Variants in CAST observed in about 807,000 individuals in gnomAD.
CAST encodes MIR583 host.
Under a neutral mutation model 119.6 loss-of-function variants are expected in CAST, and 76 were observed. The ratio of observed to expected loss-of-function variants is 0.64; its 90% CI spans 0.53 to 0.77. The LOEUF (loss-of-function observed/expected upper bound fraction) is 0.77. Among genes scored for constraint, CAST ranks in the 30% least tolerant of loss-of-function variants. CAST has a pLI of 0.00. For missense variants in CAST, 953 were observed against 946.5 expected (o/e 1.01, Z -0.09); for synonymous variants, 319 against 331.6 (o/e 0.96, Z 0.41).
the CAST span, among the ~76,000 whole-genome samples, chr5:95,967,568 G>T: frequency 6.6e-6 from 1 of 152,176 alleles, no homozygotes; most frequent in African/African-American, 2.4e-5. Context: ...CATGGGGACA[G>T]TTACCGCCAT....
chr5:96,560,691 G>A (rs1191138343), intron 1 of CAST, among the ~76,000 whole-genome samples: 4 of 152,030 alleles, frequency 2.6e-5, no homozygotes, highest in Non-Finnish European at 4.4e-5. Context: ...TCATTAAAAA[G>A]TCAGGAAACA....
chr5:96,099,677 A>T, the CAST span, among the ~76,000 whole-genome samples: 3 of 152,242 alleles, frequency 2.0e-5, no homozygotes, highest in East Asian at 1.9e-4. Context: ...GATGAAGCCT[A>T]CTTGATCATG....
At chr5:96,073,007 C>T in the CAST span, among the ~76,000 whole-genome samples, 2 of 152,134 alleles carry the variant, frequency 1.3e-5, no homozygotes, top group African/African-American at 2.4e-5. Context: ...ATTGTTTATT[C>T]GAGATTGTTT....
the CAST span, among the ~76,000 whole-genome samples, chr5:96,365,786 A>G: frequency 5.9e-5 from 9 of 152,198 alleles, no homozygotes; most frequent in Non-Finnish European, 1.3e-4. Flanking sequence ...CCAATTTGCC[A>G]GTCTGTGTCT....
At chr5:96,219,360 C>A in the CAST span, among the ~76,000 whole-genome samples, 1 of 152,200 alleles carries the variant, frequency 6.6e-6, no homozygotes, top group African/African-American at 2.4e-5. Flanking sequence ...ATCCATTTTG[C>A]CCCTGTCTCA....
chr5:96,635,671 T>C (rs1747876262), intron 1 of CAST, among the ~76,000 whole-genome samples: 1 of 152,244 alleles, frequency 6.6e-6, no homozygotes, highest in African/African-American at 2.4e-5. Flanking sequence ...ATTTGTTCTG[T>C]CCTAGTGAAA....
the CAST span, among the ~76,000 whole-genome samples, chr5:96,177,401 A>G: frequency 6.6e-6 from 1 of 152,222 alleles, no homozygotes; most frequent in Non-Finnish European, 1.5e-5. Context: ...GAATGCTCAC[A>G]TGAGTGCTTA....
intron 1 of CAST, among the ~76,000 whole-genome samples, chr5:96,668,430 A>G (rs1211008969): frequency 6.6e-6 from 1 of 152,186 alleles, no homozygotes; most frequent in African/African-American, 2.4e-5. Flanking sequence ...TTCTGTTCTA[A>G]TGTTTACAGC....
At chr5:96,303,071 C>T in the CAST span, among the ~76,000 whole-genome samples, 1 of 152,200 alleles carries the variant, frequency 6.6e-6, no homozygotes, top group Non-Finnish European at 1.5e-5. Context: ...CTTAAGGTTC[C>T]ACAGGCTGTA....
Position 96,632,373 on chromosome 5 carries a change from T to C in CAST, c.61-43166T>C, listed in dbSNP as rs904153706. Among the ~76,000 whole-genome samples the C allele has an allele frequency of 4.6e-5, 7 of 150,624 alleles. No individual in the cohort carries two copies. The South Asian group carries it at 1.2e-3, about 27-fold the overall frequency. On this transcript the variant is annotated intron_variant, in intron 1 of 11. Coordinates refer to the CAST transcript ENST00000505143. ...ATTTTGATGAAGCCCAATTTTTATA[T>C]ATAAAAATTTATATATAAAAATTGT... is the stretch of plus-strand genomic sequence containing the variant.
At chr5:96,048,574 TG>T in the CAST span, among the ~76,000 whole-genome samples, 1 of 152,088 alleles carries the variant, frequency 6.6e-6, no homozygotes, top group Non-Finnish European at 1.5e-5. Context: ...TGAGGGGCTG[TG>T]GGTAGGAATT....
chr5:96,263,075 C>T, the CAST span, among the ~76,000 whole-genome samples: 1 of 152,166 alleles, frequency 6.6e-6, no homozygotes. Context: ...AATTAAGTGG[C>T]ACACTTAAAA....
the CAST span, among the ~76,000 whole-genome samples, chr5:96,039,417 C>T: frequency 3.9e-5 from 6 of 152,122 alleles, no homozygotes; most frequent in Non-Finnish European, 1.5e-5. Flanking sequence ...GTTGCCATTG[C>T]TTTTGGTGTT....
the CAST span, chr5:96,379,573 G>T: frequency 6.6e-6 from 1 of 152,116 alleles, no homozygotes; most frequent in African/African-American, 2.4e-5. Context: ...TAGGGCCAGA[G>T]GATCTACTAC....
the CAST span, among the ~76,000 whole-genome samples, chr5:96,123,732 T>G: frequency 2.0e-5 from 3 of 152,184 alleles, no homozygotes; most frequent in African/African-American, 7.2e-5. Context: ...TGGAAATGCC[T>G]TCTCAATTAT....
chr5:96,669,818 A>T (rs1001644633), intron 1 of CAST, among the ~76,000 whole-genome samples: 6 of 152,200 alleles, frequency 3.9e-5, no homozygotes, highest in African/African-American at 1.4e-4. Flanking sequence ...GCTTCCTATC[A>T]TGGTGCCCAT....
chr5:96,532,054 T>A (rs925855569), intron 1 of CAST, among the ~76,000 whole-genome samples: 1 of 151,340 alleles, frequency 6.6e-6, no homozygotes, highest in Non-Finnish European at 1.5e-5. Flanking sequence ...GGAGTTTGAG[T>A]CCAGGCTAGG....
At chr5:96,562,300 TAACA>T (rs1478094117) in intron 1 of CAST, among the ~76,000 whole-genome samples, 1 of 151,742 alleles carries the variant, frequency 6.6e-6, no homozygotes, top group African/African-American at 2.4e-5. Flanking sequence ...AGTAAGAAAT[TAACA>T]AACTAATAAA....
chr5:96,538,482 A>G (rs1367242823), intron 1 of CAST, among the ~76,000 whole-genome samples: 1 of 152,206 alleles, frequency 6.6e-6, no homozygotes, highest in African/African-American at 2.4e-5. Flanking sequence ...TAAAAACAAC[A>G]AACACTAGGC....
Sources: gnomAD v4.1 joint callset for allele counts (sites outside exome capture counted in the v4.1 genomes callset) on GRCh38, gnomAD v4.1.1 for gene constraint, MANE v1.5 for transcripts, NCBI Gene and HGNC (gene_info 2026-07-23, HGNC 2026-07-21) for gene names.